Variants in TCF7L2 observed in about 807,000 individuals in gnomAD.
The protein encoded by TCF7L2 is transcription factor 7 like 2, also known as transcription factor 7-like 2.
A neutral mutation model predicts 77.9 loss-of-function variants in TCF7L2; 23 were observed. The ratio of observed to expected loss-of-function variants is 0.30; its 90% CI spans 0.21 to 0.42. The LOEUF (loss-of-function observed/expected upper bound fraction) is 0.42, where lower values mean the gene tolerates loss of function less well. Among genes scored for constraint, TCF7L2 ranks in the 10% least tolerant of loss-of-function variants. The probability of loss-of-function intolerance (pLI) is 1.00; values close to 1 mark genes in which losing one functional copy is unlikely to be tolerated. For missense variants in TCF7L2, 654 were observed against 793.1 expected (o/e 0.82, Z 2.11); for synonymous variants, 413 against 340.2 (o/e 1.21, Z -2.36).
intron 4 of TCF7L2, among the ~76,000 whole-genome samples, chr10:112,966,184 T>TATATATATTTATATATA (rs2036754580): frequency 8.8e-6 from 1 of 114,280 alleles, no homozygotes; most frequent in African/African-American, 4.8e-5. Flanking sequence ...TAAAATATAT[T>TATATATATTTATATATA]TATATATATA....
At chr10:113,127,499 C>T (rs1440093616) in intron 5 of TCF7L2, among the ~76,000 whole-genome samples, 1 of 152,156 alleles carries the variant, frequency 6.6e-6, no homozygotes, top group African/African-American at 2.4e-5. Flanking sequence ...TACTTCATTC[C>T]TCCTGCACAT....
At chr10:113,021,325 T>C (rs2048241992) in intron 4 of TCF7L2, among the ~76,000 whole-genome samples, 1 of 152,166 alleles carries the variant, frequency 6.6e-6, no homozygotes, top group Non-Finnish European at 1.5e-5. Context: ...TTGTTTTCTT[T>C]TTCTCACCAC....
intron 4 of TCF7L2, among the ~76,000 whole-genome samples, chr10:112,973,332 TACTC>T (rs1010836486): frequency 1.3e-5 from 2 of 152,174 alleles, no homozygotes; most frequent in African/African-American, 4.8e-5. Context: ...TGTTAGGTTA[TACTC>T]ACTCAGGAAG....
chr10:112,968,686 C>G (rs1215200648), intron 4 of TCF7L2, among the ~76,000 whole-genome samples: 1 of 152,128 alleles, frequency 6.6e-6, no homozygotes, highest in Non-Finnish European at 1.5e-5. Flanking sequence ...TCAAGCAATT[C>G]TCCTACCTCA....
intron 5 of TCF7L2, among the ~76,000 whole-genome samples, chr10:113,042,091 A>C (rs1260612308): frequency 3.3e-5 from 5 of 152,126 alleles, no homozygotes; most frequent in Non-Finnish European, 7.4e-5. Context: ...AAGATCCTCC[A>C]CCTCAAATCC....
At chr10:113,124,310 A>T (rs1414104129) in intron 5 of TCF7L2, among the ~76,000 whole-genome samples, 3 of 152,186 alleles carry the variant, frequency 2.0e-5, no homozygotes, top group Non-Finnish European at 4.4e-5. Context: ...ATGTTCATCT[A>T]AGGGTTGATA....
chr10:112,976,395 T>A (rs1213745424), intron 4 of TCF7L2, among the ~76,000 whole-genome samples: 6 of 152,246 alleles, frequency 3.9e-5, no homozygotes, highest in Admixed American at 6.5e-5. Flanking sequence ...TCCTGTTGGT[T>A]GCTGTTTGCA....
At position 113,086,575 on chromosome 10, in the gene TCF7L2, G is replaced by A. The variant is rs373599755; in HGVS notation, c.552+46449G>A. ...TTTCCCACTTCTGAAGCTGGGGGTGGGGTTCACTCCACTAAGCTACATGGC... is the reference window on the plus strand; with the variant it reads ...TTTCCCACTTCTGAAGCTGGGGGTGAGGTTCACTCCACTAAGCTACATGGC... On this transcript the variant is annotated intron_variant, in intron 5 of 13. Transcript: ENST00000627217. Among the ~76,000 whole-genome samples, 34 of 152,278 alleles carry A rather than the reference G, an allele frequency of 2.2e-4. 1 individual carries two copies. In the South Asian group the frequency reaches 6.6e-3, roughly 30 times the overall value.
chr10:113,003,536 C>T (rs1023151781), intron 4 of TCF7L2, among the ~76,000 whole-genome samples: 4 of 152,184 alleles, frequency 2.6e-5, no homozygotes, highest in African/African-American at 7.2e-5. Context: ...TTTCCCAGCC[C>T]GCATCATGTT....
chr10:112,981,726 C>T (rs889435800), intron 4 of TCF7L2, among the ~76,000 whole-genome samples: 3 of 152,228 alleles, frequency 2.0e-5, no homozygotes, highest in East Asian at 1.9e-4. Context: ...GTTTTGATTT[C>T]GGCCTCAGTG....
chr10:113,002,001 T>C (rs2044571623), intron 4 of TCF7L2, among the ~76,000 whole-genome samples: 1 of 152,124 alleles, frequency 6.6e-6, no homozygotes, highest in Admixed American at 6.6e-5. Context: ...TGGGCCTCAG[T>C]TTCTTCATCT....
chr10:113,036,579 A>G (rs2051294789), intron 4 of TCF7L2, among the ~76,000 whole-genome samples: 1 of 152,128 alleles, frequency 6.6e-6, no homozygotes, highest in Non-Finnish European at 1.5e-5. Context: ...GACATATCAT[A>G]AAATATGATT....
chr10:113,024,139 A>G (rs1001529563), intron 4 of TCF7L2, among the ~76,000 whole-genome samples: 3 of 152,006 alleles, frequency 2.0e-5, no homozygotes, highest in Non-Finnish European at 4.4e-5. Context: ...CTCTACTAAA[A>G]ATACAAAAAT....
chr10:113,005,046 C>T (rs147453453), intron 4 of TCF7L2, among the ~76,000 whole-genome samples: 21 of 152,296 alleles, frequency 1.4e-4, no homozygotes, highest in Admixed American at 3.9e-4. Context: ...GTAGCTGCCT[C>T]GGTTCAGGGG....
At chr10:113,163,809 G>A (rs1022286356) in intron 13 of TCF7L2, among the ~76,000 whole-genome samples, 3 of 152,080 alleles carry the variant, frequency 2.0e-5, no homozygotes, top group Non-Finnish European at 4.4e-5. Flanking sequence ...GGAGGACTGA[G>A]CATGCTCCCT....
intron 6 of TCF7L2, among the ~76,000 whole-genome samples, chr10:113,141,564 C>T (rs2068391004): frequency 3.3e-5 from 5 of 152,172 alleles, no homozygotes; most frequent in Non-Finnish European, 7.3e-5. Flanking sequence ...CTCTTTATGG[C>T]TTCCAGTACC....
chr10:112,981,551 C>A (rs1434195681), intron 4 of TCF7L2, among the ~76,000 whole-genome samples: 2 of 152,084 alleles, frequency 1.3e-5, no homozygotes, highest in African/African-American at 2.4e-5. Flanking sequence ...TTTGGTGTTT[C>A]CTACCACCAC....
chr10:113,154,412 C>T (rs957853765), intron 11 of TCF7L2, among the ~76,000 whole-genome samples: 1 of 152,164 alleles, frequency 6.6e-6, no homozygotes, highest in African/African-American at 2.4e-5. Flanking sequence ...CGGAATTCAG[C>T]TTCTCTATAG....
chr10:113,126,927 C>G (rs1372583673), intron 5 of TCF7L2: 1 of 985,220 alleles, frequency 1.0e-6, no homozygotes, highest in African/African-American at 1.7e-5. Context: ...TGCGCGGTGG[C>G]CGGCCCGCTG....
Sources: allele counts gnomAD v4.1 joint callset (sites outside exome capture counted in the v4.1 genomes callset), GRCh38; gene constraint gnomAD v4.1.1; transcripts MANE v1.5; gene names NCBI Gene and HGNC (gene_info 2026-07-23, HGNC 2026-07-21).